ARHGAP32: variants seen among roughly 807,000 people sequenced by gnomAD.
ARHGAP32 encodes the protein Rho GTPase activating protein 32, also known as rho GTPase-activating protein 32.
A neutral mutation model predicts 186.5 loss-of-function variants in ARHGAP32; 51 were observed. The observed-to-expected ratio is 0.27, with a 90% confidence interval of 0.22 to 0.35. The LOEUF is 0.35. ARHGAP32 is among the 10% of genes least tolerant of loss of function. The pLI is 1.00. For synonymous variants in ARHGAP32, 950 were observed against 964.3 expected (o/e 0.99, Z 0.27); for missense variants, 2,186 against 2,623.5 (o/e 0.83, Z 3.64).
intron 1 of ARHGAP32, among the ~76,000 whole-genome samples, chr11:129,249,007 C>T (rs1465890478): frequency 6.6e-6 from 1 of 152,102 alleles, no homozygotes; most frequent in Non-Finnish European, 1.5e-5. Context: ...TAACACAATG[C>T]CACACGAATT....
At chr11:129,056,069 A>G (rs1389265933) in intron 10 of ARHGAP32, among the ~76,000 whole-genome samples, 1 of 150,422 alleles carries the variant, frequency 6.6e-6, no homozygotes, top group Non-Finnish European at 1.5e-5. Context: ...TTCTAGAAAC[A>G]GTGCTCAGTC....
intron 5 of ARHGAP32, among the ~76,000 whole-genome samples, chr11:129,101,582 G>C (rs1374922787): frequency 6.6e-6 from 1 of 152,116 alleles, no homozygotes; most frequent in Admixed American, 6.5e-5. Flanking sequence ...CAGCAGAACA[G>C]ACCAAGCATA....
chr11:129,063,837 C>G (rs1235605581), intron 9 of ARHGAP32, 65 bp downstream of exon 9: 2 of 1,504,932 alleles, frequency 1.3e-6, no homozygotes, highest in Non-Finnish European at 1.8e-6. Context: ...TGGTTAAGAA[C>G]AGTCAAAGAT....
intron 6 of ARHGAP32, among the ~76,000 whole-genome samples, chr11:129,071,978 G>A (rs1015383168): frequency 1.6e-4 from 25 of 152,172 alleles, no homozygotes; most frequent in Non-Finnish European, 7.4e-5. Context: ...AACATCACAT[G>A]GTCTCACATG....
intron 11 of ARHGAP32, among the ~76,000 whole-genome samples, chr11:129,011,413 TAAAAA>T (rs1338578527): frequency 6.6e-6 from 1 of 151,980 alleles, no homozygotes; most frequent in Non-Finnish European, 1.5e-5. Context: ...TAGTGGCTAA[TAAAAA>T]AATAAACAGG....
intron 19 of ARHGAP32, among the ~76,000 whole-genome samples, chr11:128,977,854 A>T (rs185048887): frequency 1.1e-3 from 16 of 13,924 alleles, no homozygotes; most frequent in African/African-American, 2.8e-3. Flanking sequence ...TTTGCAATTT[A>T]TTATTATTAT....
At chr11:129,264,486 A>G (rs1945366797) in intron 1 of ARHGAP32, among the ~76,000 whole-genome samples, 1 of 152,208 alleles carries the variant, frequency 6.6e-6, no homozygotes, top group Non-Finnish European at 1.5e-5. Flanking sequence ...GGGGCTTAGA[A>G]GAGTTCGTAG....
At chr11:129,155,320 A>G (rs186566419) in intron 2 of ARHGAP32, among the ~76,000 whole-genome samples, 1 of 152,362 alleles carries the variant, frequency 6.6e-6, no homozygotes, top group African/African-American at 2.4e-5. Context: ...AAAATAAGAA[A>G]AGAAGAAAGA....
chr11:129,078,667 A>G (rs928701954), intron 6 of ARHGAP32, among the ~76,000 whole-genome samples: 7 of 151,966 alleles, frequency 4.6e-5, no homozygotes, highest in East Asian at 1.9e-4. Flanking sequence ...TAACTTTTGT[A>G]TTTTTAGTAG....
chr11:129,094,328 T>C (rs1941668244), intron 5 of ARHGAP32, among the ~76,000 whole-genome samples: 2 of 152,134 alleles, frequency 1.3e-5, no homozygotes, highest in Non-Finnish European at 2.9e-5. Flanking sequence ...TGAAAACATC[T>C]CATATACCTT....
At position 128,991,804 on chromosome 11, in the gene ARHGAP32, T is replaced by C. The variant is rs1417604032; in HGVS notation, c.1196-3679A>G. Among the ~76,000 whole-genome samples the C allele has an allele frequency of 3.3e-5, 5 of 152,360 alleles. No homozygotes were observed. The East Asian group carries it at 9.6e-4, about 29-fold the overall frequency. ...AAGTACATATTTAAATTAAAATCGATGATCCTTTAGATTAGAATATGGCTA... is the reference window on the plus strand; with the variant it reads ...AAGTACATATTTAAATTAAAATCGACGATCCTTTAGATTAGAATATGGCTA... On this transcript the variant is annotated intron_variant, in intron 12 of 22. Transcript: ENST00000682385.
intron 11 of ARHGAP32, among the ~76,000 whole-genome samples, chr11:129,014,722 G>A (rs1322069182): frequency 6.6e-6 from 1 of 152,166 alleles, no homozygotes; most frequent in Non-Finnish European, 1.5e-5. Flanking sequence ...AACATGTCCA[G>A]TGGATTTTTA....
chr11:129,003,713 A>T (rs1035642587), intron 11 of ARHGAP32, among the ~76,000 whole-genome samples: 1 of 152,082 alleles, frequency 6.6e-6, no homozygotes, highest in African/African-American at 2.4e-5. Flanking sequence ...GAATTTCTGC[A>T]GTGTCAGTTG....
chr11:129,227,007 C>A (rs769286728), intron 1 of ARHGAP32, among the ~76,000 whole-genome samples: 1 of 151,916 alleles, frequency 6.6e-6, no homozygotes, highest in Non-Finnish European at 1.5e-5. Flanking sequence ...TTTTATTTTT[C>A]TTTTCTTCTT....
intron 1 of ARHGAP32, among the ~76,000 whole-genome samples, chr11:129,189,167 A>T (rs1944224789): frequency 6.6e-6 from 1 of 152,230 alleles, no homozygotes; most frequent in South Asian, 2.1e-4. Context: ...ATAAGTTATC[A>T]CTTAGCAGAA....
chr11:128,991,101 T>G (rs1946035084), intron 12 of ARHGAP32, among the ~76,000 whole-genome samples: 1 of 152,202 alleles, frequency 6.6e-6, no homozygotes, highest in Non-Finnish European at 1.5e-5. Flanking sequence ...ATTGGATGTG[T>G]ATATCTGTGT....
chr11:129,240,219 A>C (rs1364532549), intron 1 of ARHGAP32, among the ~76,000 whole-genome samples: 1 of 152,102 alleles, frequency 6.6e-6, no homozygotes, highest in Non-Finnish European at 1.5e-5. Flanking sequence ...TTCTTGGTAA[A>C]GTTATAGCAG....
At chr11:129,077,356 C>G (rs1176995816) in intron 6 of ARHGAP32, among the ~76,000 whole-genome samples, 2 of 152,128 alleles carry the variant, frequency 1.3e-5, no homozygotes, top group Non-Finnish European at 2.9e-5. Context: ...GGGGTGAAGC[C>G]TGAAAGCCCT....
chr11:129,037,846 TA>T (rs1364129867), intron 11 of ARHGAP32, among the ~76,000 whole-genome samples: 1 of 151,956 alleles, frequency 6.6e-6, no homozygotes, highest in Non-Finnish European at 1.5e-5. Context: ...CTCATGCCTG[TA>T]ATCCCAGCAC....
Sources: allele counts gnomAD v4.1 joint callset (sites outside exome capture counted in the v4.1 genomes callset), GRCh38; gene constraint gnomAD v4.1.1; transcripts MANE v1.5; gene names NCBI Gene and HGNC (gene_info 2026-07-23, HGNC 2026-07-21).